SNX29: variants seen among roughly 807,000 people sequenced by gnomAD.
SNX29 encodes sorting nexin-29.
Under a neutral mutation model 102.1 loss-of-function variants are expected in SNX29, and 78 were observed. The ratio of observed to expected loss-of-function variants is 0.76; its 90% CI spans 0.64 to 0.92. The LOEUF is 0.92. Among genes scored for constraint, SNX29 ranks in the 40% least tolerant of loss-of-function variants. The pLI, the probability that SNX29 is intolerant of heterozygous loss-of-function variation, is 0.00. For missense variants in SNX29, 1,280 were observed against 1,061.7 expected, an observed-to-expected ratio of 1.21 and a Z score of -2.86; for synonymous variants, 580 against 414.5, an observed-to-expected ratio of 1.40 and a Z score of -4.85.
rs1597966752 is a variant in SNX29, at chr16:12,553,097, G to T, written c.2319-15409G>T. ...CTCACCTGCATATAGTTCAGGCTTG[G>T]CCTGGGGCTTTCAGGCTGGGAGGGC... is the stretch of plus-strand genomic sequence containing the variant. On this transcript the variant is annotated intron_variant, in intron 20 of 20. Coordinates refer to ENST00000566228, the MANE Select transcript of SNX29 (RefSeq NM_032167.5). 4.1e-5 allele frequency among the ~76,000 whole-genome samples: 6 copies of T among 147,696 alleles called. 1 individual carries two copies. The highest frequency in any genetic ancestry group is 1.6e-4 in the African/African-American group (6 of 37,284).
intron 15 of SNX29, among the ~76,000 whole-genome samples, chr16:12,284,062 T>A: frequency 6.6e-6 from 1 of 152,258 alleles, no homozygotes; most frequent in East Asian, 1.9e-4. Context: ...TTACCTCTTT[T>A]AAGTACATTT....
intron 18 of SNX29, among the ~76,000 whole-genome samples, chr16:12,422,940 G>T (rs1348639483): frequency 3.9e-5 from 6 of 152,180 alleles, no homozygotes; most frequent in Non-Finnish European, 7.3e-5. Flanking sequence ...TCTGGAACAG[G>T]TAGGAAAGAA....
intron 16 of SNX29, among the ~76,000 whole-genome samples, chr16:12,366,823 C>A (rs764038905): frequency 1.3e-5 from 2 of 151,676 alleles, no homozygotes; most frequent in Non-Finnish European, 2.9e-5. Flanking sequence ...CTGCTCCTTT[C>A]TTTGTCTCTG....
chr16:12,112,496 T>A (rs1184107743), intron 11 of SNX29, among the ~76,000 whole-genome samples: 1 of 152,200 alleles, frequency 6.6e-6, no homozygotes, highest in Non-Finnish European at 1.5e-5. Context: ...TGTACTAGGC[T>A]GCATGCGTGA....
intron 15 of SNX29, among the ~76,000 whole-genome samples, chr16:12,299,546 G>A (rs548297520): frequency 9.9e-5 from 15 of 152,210 alleles, no homozygotes; most frequent in African/African-American, 3.1e-4. Flanking sequence ...CCTCCAGGGG[G>A]CCCTGGCTCT....
At chr16:12,264,911 C>T (rs1003358126) in intron 14 of SNX29, among the ~76,000 whole-genome samples, 1 of 152,188 alleles carries the variant, frequency 6.6e-6, no homozygotes, top group Non-Finnish European at 1.5e-5. Context: ...CTGGATGATA[C>T]CTTTCCACTC....
intron 19 of SNX29, among the ~76,000 whole-genome samples, chr16:12,481,584 GA>G (rs2087937968): frequency 6.6e-6 from 1 of 151,130 alleles, no homozygotes; most frequent in Non-Finnish European, 1.5e-5. Context: ...GCCCAGGGTG[GA>G]GTGCAGTGGC....
chr16:12,488,549 A>T (rs565877207), intron 19 of SNX29, among the ~76,000 whole-genome samples: 1 of 152,194 alleles, frequency 6.6e-6, no homozygotes, highest in Non-Finnish European at 1.5e-5. Flanking sequence ...ACAGAGTCGA[A>T]CCTGTTTGTT....
intron 19 of SNX29, among the ~76,000 whole-genome samples, chr16:12,507,158 C>A (rs181603479): frequency 8.5e-5 from 13 of 152,352 alleles, no homozygotes; most frequent in Admixed American, 8.5e-4. Context: ...GAAATGCTTT[C>A]TGAGGCTGTA....
In SNX29 at chr16:12,485,949, T is replaced by A. The variant is rs1597568443; in HGVS notation, c.2178+8090T>A. Among the ~76,000 whole-genome samples, 6 of 152,322 alleles carry A rather than the reference T, an allele frequency of 3.9e-5. No individual in the cohort carries two copies. In the Middle Eastern group the frequency reaches 0.014, roughly 345 times the overall value. Reference sequence around the variant, plus strand: ...CAGAATCAATGCAAGGCATCCTTTCTGTACATCCCGGATCAGTTTCCTGTG... The same window carrying A: ...CAGAATCAATGCAAGGCATCCTTTCAGTACATCCCGGATCAGTTTCCTGTG... On this transcript the variant is annotated intron_variant, in intron 19 of 20. Transcript: ENST00000566228.
intron 18 of SNX29, among the ~76,000 whole-genome samples, chr16:12,422,879 G>C (rs2084925163): frequency 1.3e-5 from 2 of 152,220 alleles, no homozygotes; most frequent in African/African-American, 2.4e-5. Context: ...GAGGCTGCTG[G>C]TGGTGTACGG....
intron 20 of SNX29, among the ~76,000 whole-genome samples, chr16:12,547,554 G>A (rs555980502): frequency 3.9e-5 from 6 of 152,252 alleles, no homozygotes; most frequent in African/African-American, 7.2e-5. Context: ...GTCCTGAGCT[G>A]TGGTTAACAT....
intron 18 of SNX29, among the ~76,000 whole-genome samples, chr16:12,431,448 G>GTTTTTGTT (rs1246530676): frequency 8.8e-6 from 1 of 114,184 alleles, no homozygotes; most frequent in Non-Finnish European, 1.8e-5. Flanking sequence ...TTTTTTTTTT[G>GTTTTTGTT]TTTTTGTTTT....
chr16:12,260,058 G>A (rs558208426), intron 14 of SNX29, among the ~76,000 whole-genome samples: 1 of 152,316 alleles, frequency 6.6e-6, no homozygotes, highest in Non-Finnish European at 1.5e-5. Context: ...GGCTTCACAG[G>A]CACTTCTCTG....
intron 15 of SNX29, among the ~76,000 whole-genome samples, chr16:12,280,515 C>G (rs1029592294): frequency 2.0e-5 from 3 of 151,696 alleles, no homozygotes; most frequent in Non-Finnish European, 4.4e-5. Context: ...AGCTTCCTTT[C>G]TTTTCCTTCT....
chr16:12,106,688 C>T (rs1405640328), intron 11 of SNX29, among the ~76,000 whole-genome samples: 3 of 151,492 alleles, frequency 2.0e-5, no homozygotes, highest in African/African-American at 7.3e-5. Flanking sequence ...ACTGTGTTGC[C>T]TAGGCTTATC....
chr16:12,167,557 T>C (rs2076045557), intron 13 of SNX29, among the ~76,000 whole-genome samples: 1 of 152,210 alleles, frequency 6.6e-6, no homozygotes, highest in Admixed American at 6.5e-5. Context: ...GGTGCAATCA[T>C]TGATTCCATT....
chr16:12,271,048 A>C (rs1268908028), intron 14 of SNX29, among the ~76,000 whole-genome samples: 2 of 152,168 alleles, frequency 1.3e-5, no homozygotes, highest in Non-Finnish European at 2.9e-5. Context: ...CAAAAAAATC[A>C]ATCAATAAAT....
At chr16:12,563,372 TTGA>T (rs2078840830) in intron 20 of SNX29, among the ~76,000 whole-genome samples, 1 of 152,210 alleles carries the variant, frequency 6.6e-6, no homozygotes, top group Non-Finnish European at 1.5e-5. Flanking sequence ...TATCGCCACG[TTGA>T]TATTTTACCC....
Sources: gnomAD v4.1 joint callset for allele counts (sites outside exome capture counted in the v4.1 genomes callset) on GRCh38, gnomAD v4.1.1 for gene constraint, MANE v1.5 for transcripts, NCBI Gene and HGNC (gene_info 2026-07-23, HGNC 2026-07-21) for gene names.